TENM3: variants seen among roughly 807,000 people sequenced by gnomAD.
The protein encoded by TENM3 is teneurin-3.
TENM3 carries 63 observed loss-of-function variants against 255.1 expected under a neutral mutation model. That is an observed-to-expected ratio of 0.25 (90% CI 0.20 to 0.30). The LOEUF (loss-of-function observed/expected upper bound fraction) is 0.30. Ranked by LOEUF, TENM3 falls within the 10% of genes least tolerant of loss-of-function variation. The probability of loss-of-function intolerance (pLI) is 1.00; values close to 1 mark genes in which losing one functional copy is unlikely to be tolerated. For synonymous variants in TENM3, 1,306 were observed against 1,322.3 expected (o/e 0.99, Z 0.27); for missense variants, 2,929 against 3,461.1 (o/e 0.85, Z 3.86).
At chr4:181,960,879 C>T in the TENM3 span, among the ~76,000 whole-genome samples, 86 of 152,200 alleles carry the variant, frequency 5.7e-4, no homozygotes, top group African/African-American at 1.4e-3. Context: ...ATTATTTTTG[C>T]GTCATCTCCC....
At chr4:182,254,332 T>C (rs1004343124) in intron 1 of TENM3, among the ~76,000 whole-genome samples, 1 of 124,764 alleles carries the variant, frequency 8.0e-6, no homozygotes, top group Non-Finnish European at 1.7e-5. Context: ...TTTCTCTCTC[T>C]CTTTTTTTTT....
chr4:182,410,874 T>G (rs1769935895), intron 3 of TENM3, among the ~76,000 whole-genome samples: 1 of 152,264 alleles, frequency 6.6e-6, no homozygotes, highest in Non-Finnish European at 1.5e-5. Flanking sequence ...CTATTGGAAC[T>G]AAAATATATT....
chr4:181,957,329 T>TA, the TENM3 span, among the ~76,000 whole-genome samples: 223 of 152,328 alleles, frequency 1.5e-3, no homozygotes, highest in African/African-American at 5.1e-3. Flanking sequence ...ATTGTTATCT[T>TA]AGCCCATAGC....
the TENM3 span, among the ~76,000 whole-genome samples, chr4:182,098,135 A>G: frequency 6.6e-6 from 1 of 152,240 alleles, no homozygotes; most frequent in African/African-American, 2.4e-5. Context: ...ACAGTGAGAT[A>G]TTATCCCATT....
At chr4:181,552,599 C>A in the TENM3 span, among the ~76,000 whole-genome samples, 2 of 152,156 alleles carry the variant, frequency 1.3e-5, no homozygotes, top group Non-Finnish European at 2.9e-5. Context: ...ATTTTGAGAA[C>A]GTGCCATATC....
At chr4:182,201,752 A>C (rs548727551) in intron 1 of TENM3, among the ~76,000 whole-genome samples, 1 of 152,290 alleles carries the variant, frequency 6.6e-6, no homozygotes, top group Non-Finnish European at 1.5e-5. Flanking sequence ...TCGTCTCATC[A>C]TGGGGCTCTT....
At chr4:181,816,979 G>A in the TENM3 span, among the ~76,000 whole-genome samples, 1 of 152,006 alleles carries the variant, frequency 6.6e-6, no homozygotes, top group Non-Finnish European at 1.5e-5. Flanking sequence ...AAGTAAACTG[G>A]GGCTGCAAAA....
chr4:182,646,220 G>A (rs943356949), intron 5 of TENM3, among the ~76,000 whole-genome samples: 1 of 152,174 alleles, frequency 6.6e-6, no homozygotes, highest in African/African-American at 2.4e-5. Flanking sequence ...GAGCAGGGAA[G>A]AGTAACTCCA....
chr4:181,664,702 C>T, the TENM3 span, among the ~76,000 whole-genome samples: 52,120 of 151,846 alleles, frequency 0.34, 9,132 homozygotes, highest in Non-Finnish European at 0.36. Context: ...TCAGTGCACC[C>T]CTCTCATTCA....
chr4:181,986,769 C>T, the TENM3 span, among the ~76,000 whole-genome samples: 13 of 151,980 alleles, frequency 8.6e-5, no homozygotes, highest in African/African-American at 3.1e-4. Flanking sequence ...CTACAAAATC[C>T]TCAGAGGATT....
At chr4:182,653,645 A>T (rs148756377) in intron 5 of TENM3, 126 bp from the exon 6 acceptor site, 2 of 1,042,824 alleles carry the variant, frequency 1.9e-6, no homozygotes, top group Non-Finnish European at 2.7e-6. Flanking sequence ...TTGCGCAGTT[A>T]TCCTTGGTAT....
At chr4:181,893,517 C>G in the TENM3 span, among the ~76,000 whole-genome samples, 2 of 118,680 alleles carry the variant, frequency 1.7e-5, no homozygotes, top group African/African-American at 6.5e-5. Context: ...CACCATTCCT[C>G]TTAGGATGCA....
chr4:182,176,217 A>T (rs1352487185), intron 1 of TENM3, among the ~76,000 whole-genome samples: 1 of 152,212 alleles, frequency 6.6e-6, no homozygotes, highest in Non-Finnish European at 1.5e-5. Flanking sequence ...ATGAATGAAT[A>T]TATAAATGGC....
At chr4:181,979,730 C>T in the TENM3 span, among the ~76,000 whole-genome samples, 5 of 152,176 alleles carry the variant, frequency 3.3e-5, no homozygotes, top group Admixed American at 1.3e-4. Context: ...CTCACTCAGC[C>T]CTATAATCTG....
chr4:181,767,269 AAAG>A, the TENM3 span, among the ~76,000 whole-genome samples: 27 of 148,646 alleles, frequency 1.8e-4, no homozygotes, highest in African/African-American at 5.7e-4. Context: ...AAAAAAAAAA[AAAG>A]AAAGAAAACA....
At chr4:181,750,330 G>T in the TENM3 span, among the ~76,000 whole-genome samples, 2 of 152,112 alleles carry the variant, frequency 1.3e-5, no homozygotes, top group African/African-American at 4.8e-5. Context: ...TGATGAAAAA[G>T]TTAGGGAAAG....
chr4:182,657,750 C>A (rs1753874907), intron 6 of TENM3, among the ~76,000 whole-genome samples: 2 of 152,138 alleles, frequency 1.3e-5, no homozygotes, highest in Non-Finnish European at 2.9e-5. Context: ...CCTTGACCTC[C>A]TGGGCTCAAG....
chr4:181,792,374 G>A, the TENM3 span, among the ~76,000 whole-genome samples: 2 of 152,094 alleles, frequency 1.3e-5, no homozygotes, highest in Non-Finnish European at 2.9e-5. Context: ...GAAATTCTCT[G>A]AACAAATTCA....
chr4:181,778,753 A>C, the TENM3 span, among the ~76,000 whole-genome samples: 1 of 152,176 alleles, frequency 6.6e-6, no homozygotes, highest in Non-Finnish European at 1.5e-5. Context: ...TCATGTCAGC[A>C]GCATCCATTT....
Sources: allele counts gnomAD v4.1 joint callset (sites outside exome capture counted in the v4.1 genomes callset), GRCh38; gene constraint gnomAD v4.1.1; transcripts MANE v1.5; gene names NCBI Gene and HGNC (gene_info 2026-07-23, HGNC 2026-07-21).